The following DCC variants were observed in gnomAD, a reference collection of about 807,000 sequenced individuals.
DCC encodes the protein DCC netrin 1 receptor, also known as netrin receptor DCC.
DCC carries 58 observed loss-of-function variants against 172.5 expected under a neutral mutation model. That is an observed-to-expected ratio of 0.34 (90% CI 0.27 to 0.42). DCC has a LOEUF of 0.42. Among genes scored for constraint, DCC ranks in the 10% least tolerant of loss-of-function variants. The probability of loss-of-function intolerance (pLI) is 1.00; values close to 1 mark genes in which losing one functional copy is unlikely to be tolerated. For missense variants in DCC, 1,740 were observed against 1,791.0 expected, an observed-to-expected ratio of 0.97 and a Z score of 0.51; for synonymous variants, 709 against 644.5, an observed-to-expected ratio of 1.10 and a Z score of -1.52.
At chr18:52,466,255 C>T (rs561124174) in intron 1 of DCC, among the ~76,000 whole-genome samples, 9 of 152,052 alleles carry the variant, frequency 5.9e-5, no homozygotes, top group African/African-American at 2.2e-4. Context: ...CAGGGGGCCA[C>T]GAAGACACTG....
chr18:52,706,144 G>A (rs1336994368), intron 1 of DCC, among the ~76,000 whole-genome samples: 1 of 152,010 alleles, frequency 6.6e-6, no homozygotes, highest in Admixed American at 6.6e-5. Context: ...CATAAAGTGA[G>A]GTTGATTTCT....
chr18:52,706,439 A>G (rs2036213518), intron 1 of DCC, among the ~76,000 whole-genome samples: 1 of 152,218 alleles, frequency 6.6e-6, no homozygotes, highest in Non-Finnish European at 1.5e-5. Flanking sequence ...TGCAAGTGTA[A>G]CTAGGTTTCT....
intron 21 of DCC, among the ~76,000 whole-genome samples, chr18:53,425,604 T>G (rs933691782): frequency 2.0e-5 from 3 of 151,946 alleles, no homozygotes; most frequent in African/African-American, 7.2e-5. Context: ...TCAGGTGACC[T>G]GCCCGCCTCG....
At chr18:53,446,390 C>T (rs1469784197) in intron 22 of DCC, among the ~76,000 whole-genome samples, 1 of 152,118 alleles carries the variant, frequency 6.6e-6, no homozygotes, top group Non-Finnish European at 1.5e-5. Context: ...CTCATGAAAT[C>T]ATCACAGTGC....
intron 2 of DCC, among the ~76,000 whole-genome samples, chr18:52,882,094 G>A (rs2039494607): frequency 6.6e-6 from 1 of 151,964 alleles, no homozygotes; most frequent in African/African-American, 2.4e-5. Context: ...TTTTCAGATT[G>A]TTCAGTGTAG....
At chr18:53,104,201 A>G (rs1344370884) in intron 7 of DCC, among the ~76,000 whole-genome samples, 2 of 151,960 alleles carry the variant, frequency 1.3e-5, no homozygotes, top group African/African-American at 4.8e-5. Flanking sequence ...TCTGGGCTAC[A>G]TCATTTCTCA....
chr18:53,033,415 T>G (rs1444032697), intron 5 of DCC, among the ~76,000 whole-genome samples: 2 of 152,174 alleles, frequency 1.3e-5, no homozygotes, highest in African/African-American at 4.8e-5. Flanking sequence ...TCCTTTCTCC[T>G]CATTCCTTCA....
chr18:53,021,308 A>C (rs2041878791), intron 5 of DCC, among the ~76,000 whole-genome samples: 1 of 152,168 alleles, frequency 6.6e-6, no homozygotes, highest in Admixed American at 6.5e-5. Context: ...AGTAATGGAG[A>C]GCATGAATTG....
intron 2 of DCC, among the ~76,000 whole-genome samples, chr18:52,752,690 C>T (rs2037016715): frequency 1.3e-5 from 2 of 152,092 alleles, no homozygotes; most frequent in African/African-American, 4.8e-5. Flanking sequence ...ATATTAAAAG[C>T]TTATTTCTTC....
chr18:53,020,401 T>A (rs2041863579), intron 5 of DCC, among the ~76,000 whole-genome samples: 1 of 152,186 alleles, frequency 6.6e-6, no homozygotes, highest in Non-Finnish European at 1.5e-5. Flanking sequence ...ATATTTATAA[T>A]AGAATTCCTA....
intron 2 of DCC, among the ~76,000 whole-genome samples, chr18:52,768,875 A>G (rs542798316): frequency 6.6e-6 from 1 of 152,322 alleles, no homozygotes; most frequent in Non-Finnish European, 1.5e-5. Flanking sequence ...GAAAAGGGTG[A>G]GGGAGAAATA....
chr18:53,399,586 A>T (rs1366461493), intron 18 of DCC, among the ~76,000 whole-genome samples: 3 of 152,122 alleles, frequency 2.0e-5, no homozygotes, highest in African/African-American at 7.2e-5. Flanking sequence ...AAGAAATGGA[A>T]GTATAGGAAA....
intron 2 of DCC, 22 bp downstream of exon 2, chr18:52,752,396 TTCC>T (rs1469471690): frequency 1.2e-5 from 18 of 1,544,028 alleles, no homozygotes; most frequent in East Asian, 9.0e-5. Context: ...CTTCCTTCTC[TTCC>T]TCCTCCTCCT....
intron 1 of DCC, among the ~76,000 whole-genome samples, chr18:52,503,194 G>T (rs1231596332): frequency 6.6e-6 from 1 of 152,020 alleles, no homozygotes; most frequent in Non-Finnish European, 1.5e-5. Flanking sequence ...CCATTCATAA[G>T]ACAATGAGGA....
intron 5 of DCC, among the ~76,000 whole-genome samples, chr18:52,943,621 T>C (rs909821221): frequency 6.6e-6 from 1 of 152,228 alleles, no homozygotes; most frequent in Non-Finnish European, 1.5e-5. Context: ...TTAAATATTT[T>C]AAGACAAGAA....
intron 12 of DCC, among the ~76,000 whole-genome samples, chr18:53,236,774 G>T (rs2056208231): frequency 6.6e-6 from 1 of 152,016 alleles, no homozygotes; most frequent in Admixed American, 6.6e-5. Flanking sequence ...AAGGGGCCAA[G>T]GTTATTTATA....
chr18:53,150,774 C>G (rs1392632814), intron 7 of DCC, among the ~76,000 whole-genome samples: 1 of 152,122 alleles, frequency 6.6e-6, no homozygotes. Context: ...TGAGGTCTTC[C>G]TGGAATTGAG....
intron 10 of DCC, 91 bp from the exon 11 acceptor site, chr18:53,207,588 C>T (rs2055673363): frequency 8.2e-7 from 1 of 1,217,522 alleles, no homozygotes; most frequent in East Asian, 2.3e-5. Context: ...TTGTAAGAGT[C>T]TAATGTCCAA....
intron 12 of DCC, among the ~76,000 whole-genome samples, chr18:53,216,951 T>C (rs1187798464): frequency 2.0e-5 from 3 of 152,128 alleles, no homozygotes; most frequent in Non-Finnish European, 4.4e-5. Flanking sequence ...TTTTTACAAT[T>C]ATTGTATGTT....
Sources: allele counts gnomAD v4.1 joint callset (sites outside exome capture counted in the v4.1 genomes callset), GRCh38; gene constraint gnomAD v4.1.1; transcripts MANE v1.5; gene names NCBI Gene and HGNC (gene_info 2026-07-23, HGNC 2026-07-21).